The following ZFHX3 variants were observed in gnomAD, a reference collection of about 807,000 sequenced individuals.
ZFHX3 encodes zinc finger homeobox 3.
In ZFHX3, 42 loss-of-function variants were observed where a neutral mutation model predicts 279.1. The ratio of observed to expected loss-of-function variants is 0.15; its 90% confidence interval spans 0.12 to 0.19. The LOEUF is 0.19. Ranked by LOEUF, ZFHX3 falls within the 10% of genes least tolerant of loss-of-function variation. ZFHX3 has a pLI of 1.00. For missense variants in ZFHX3, 4,981 were observed against 4,754.0 expected (o/e 1.05, Z -1.40); for synonymous variants, 2,293 against 1,957.8 (o/e 1.17, Z -4.52).
At chr16:73,207,717 G>T (rs924304887) in intron 5 of ZFHX3, among the ~76,000 whole-genome samples, 1 of 152,142 alleles carries the variant, frequency 6.6e-6, no homozygotes, top group African/African-American at 2.4e-5. Context: ...GGAACATTTT[G>T]TCCATTAAGT....
At chr16:73,736,527 T>C (rs892647883) in intron 1 of ZFHX3, among the ~76,000 whole-genome samples, 14 of 152,330 alleles carry the variant, frequency 9.2e-5, no homozygotes, top group African/African-American at 3.4e-4. Flanking sequence ...TGAAATTGCT[T>C]TCAAATGATA....
chr16:73,250,922 C>T (rs28415014), intron 5 of ZFHX3, among the ~76,000 whole-genome samples: 42,665 of 151,980 alleles, frequency 0.28, 6,936 homozygotes, highest in African/African-American at 0.45. Flanking sequence ...TCAATACAGC[C>T]CTTCCTCCCT....
intron 1 of ZFHX3, among the ~76,000 whole-genome samples, chr16:73,797,222 C>T (rs752105286): frequency 8.2e-6 from 1 of 121,856 alleles, no homozygotes; most frequent in Non-Finnish European, 1.7e-5. Context: ...AAACAAACAA[C>T]AACAACAACA....
chr16:72,833,309 G>A (rs1435263738), intron 4 of ZFHX3, among the ~76,000 whole-genome samples: 6 of 152,218 alleles, frequency 3.9e-5, no homozygotes, highest in Non-Finnish European at 7.3e-5. Flanking sequence ...GGAGAATGGA[G>A]GGGAGGTTTT....
chr16:73,003,560 G>A (rs548708094), intron 1 of ZFHX3, among the ~76,000 whole-genome samples: 154 of 120,374 alleles, frequency 1.3e-3, no homozygotes, highest in Admixed American at 2.4e-3. Context: ...AAAAAAATTA[G>A]CTGGGAGTGA....
chr16:73,329,653 TAGTC>T (rs1418220239), intron 3 of ZFHX3, among the ~76,000 whole-genome samples: 1 of 152,174 alleles, frequency 6.6e-6, no homozygotes, highest in Non-Finnish European at 1.5e-5. Context: ...ACCCTACAGA[TAGTC>T]AGAGATAAAA....
chr16:73,378,885 G>A (rs2016771617), intron 3 of ZFHX3, among the ~76,000 whole-genome samples: 1 of 152,120 alleles, frequency 6.6e-6, no homozygotes, highest in Admixed American at 6.5e-5. Context: ...GATACTTACT[G>A]TAGTACCTTC....
intron 2 of ZFHX3, among the ~76,000 whole-genome samples, chr16:73,598,081 G>T (rs2143855687): frequency 6.6e-6 from 1 of 152,270 alleles, no homozygotes; most frequent in Admixed American, 6.5e-5. Context: ...GGGACCAAGG[G>T]CTCCTGTTAG....
intron 5 of ZFHX3, among the ~76,000 whole-genome samples, chr16:73,147,978 T>C (rs1434276493): frequency 6.6e-6 from 1 of 152,210 alleles, no homozygotes; most frequent in African/African-American, 2.4e-5. Context: ...GAAAGTCCAG[T>C]ATCTATTTAG....
At chr16:73,308,240 T>C (rs1383132898) in intron 4 of ZFHX3, among the ~76,000 whole-genome samples, 2 of 12,456 alleles carry the variant, frequency 1.6e-4, no homozygotes, top group African/African-American at 4.5e-4. Flanking sequence ...TATATATATA[T>C]ATATATATAT....
chr16:72,928,193 G>GAGGGGAGCGAGGGGGAGCGA (rs1328898194), intron 3 of ZFHX3, among the ~76,000 whole-genome samples: 9 of 45,008 alleles, frequency 2.0e-4, no homozygotes, highest in Non-Finnish European at 9.0e-5. Flanking sequence ...GAGGGAGGGG[G>GAGGGGAGCGAGGGGGAGCGA]AGGGGAGCGA....
intron 7 of ZFHX3, among the ~76,000 whole-genome samples, chr16:72,809,066 T>C (rs923237267): frequency 8.5e-5 from 13 of 152,220 alleles, no homozygotes; most frequent in African/African-American, 3.1e-4. Flanking sequence ...TAAATGAAGA[T>C]TCACAATGAC....
At chr16:72,801,551 C>T (rs2036099520) in intron 7 of ZFHX3, among the ~76,000 whole-genome samples, 1 of 152,074 alleles carries the variant, frequency 6.6e-6, no homozygotes, top group African/African-American at 2.4e-5. Flanking sequence ...ATTTCAGCAA[C>T]CCAGATGCCA....
intron 2 of ZFHX3, among the ~76,000 whole-genome samples, chr16:73,576,501 AATT>A (rs1456132501): frequency 2.0e-5 from 3 of 152,166 alleles, no homozygotes; most frequent in African/African-American, 7.2e-5. Context: ...GTGGACAGAT[AATT>A]ATTACAAAGG....
chr16:72,896,840 G>C lies in ZFHX3; in HGVS notation c.3217-6878C>G, dbSNP rs529849012. On this transcript the variant is annotated intron_variant, in intron 3 of 9. Transcript: ENST00000268489. Reference sequence around the variant, plus strand: ...GTTTTGTCAAAGCCTGCCCTTTAAAGTAGAAACAGACAAAGTACATTCTGA... The same window carrying C: ...GTTTTGTCAAAGCCTGCCCTTTAAACTAGAAACAGACAAAGTACATTCTGA... 2.0e-5 allele frequency among the ~76,000 whole-genome samples: 3 copies of C among 152,316 alleles called. No homozygotes were observed. The East Asian group carries it at 5.8e-4, about 29-fold the overall frequency.
At chr16:73,702,164 C>T (rs547231852) in intron 1 of ZFHX3, among the ~76,000 whole-genome samples, 4 of 152,132 alleles carry the variant, frequency 2.6e-5, no homozygotes, top group African/African-American at 4.8e-5. Flanking sequence ...CAACCGCACC[C>T]CCCACCCTCC....
chr16:73,869,526 TG>T (rs1256758382), intron 1 of ZFHX3, among the ~76,000 whole-genome samples: 1 of 152,230 alleles, frequency 6.6e-6, no homozygotes, highest in Non-Finnish European at 1.5e-5. Flanking sequence ...AAAAGATAAC[TG>T]GAGAAATGCT....
chr16:72,790,044 C>T (rs1014770034), intron 9 of ZFHX3: 1 of 152,420 alleles, frequency 6.6e-6, no homozygotes, highest in African/African-American at 2.4e-5. Context: ...CCTAATCTAC[C>T]ACCACTCCCT....
At chr16:73,115,399 A>G (rs936443013) in intron 7 of ZFHX3, among the ~76,000 whole-genome samples, 4 of 150,380 alleles carry the variant, frequency 2.7e-5, no homozygotes, top group African/African-American at 9.8e-5. Context: ...AAAAAAAAAA[A>G]TCAGCTGGGT....
Sources: gnomAD v4.1 joint callset for allele counts (sites outside exome capture counted in the v4.1 genomes callset) on GRCh38, gnomAD v4.1.1 for gene constraint, MANE v1.5 for transcripts, NCBI Gene and HGNC (gene_info 2026-07-23, HGNC 2026-07-21) for gene names.